Variants in ALCAM observed in about 807,000 individuals in gnomAD.
The protein encoded by ALCAM is CD166 antigen.
A neutral mutation model predicts 70.9 loss-of-function variants in ALCAM; 30 were observed. The ratio of observed to expected loss-of-function variants is 0.42; its 90% CI spans 0.32 to 0.57. ALCAM has a LOEUF of 0.57. ALCAM is among the 20% of genes least tolerant of loss of function. The pLI is 0.11. For synonymous variants in ALCAM, 249 were observed against 242.5 expected (o/e 1.03, Z -0.25); for missense variants, 591 against 695.1 (o/e 0.85, Z 1.68).
At chr3:105,397,632 G>A (rs951821445) in intron 1 of ALCAM, among the ~76,000 whole-genome samples, 13 of 151,618 alleles carry the variant, frequency 8.6e-5, no homozygotes, top group East Asian at 1.9e-4. Context: ...CAATAACAAC[G>A]AAACACAACA....
At chr3:105,508,190 TA>T in intron 1 of ALCAM, among the ~76,000 whole-genome samples, 1 of 152,344 alleles carries the variant, frequency 6.6e-6, no homozygotes, top group East Asian at 1.9e-4. Flanking sequence ...ATATGTTTTT[TA>T]AAATATTTGT....
At chr3:105,525,460 A>G in intron 3 of ALCAM, 1 of 623,810 alleles carries the variant, frequency 1.6e-6, no homozygotes. Flanking sequence ...CAAAAGTTTC[A>G]GAATGCCAGT....
At chr3:105,369,233 G>A (rs1238431514) in intron 1 of ALCAM, among the ~76,000 whole-genome samples, 1 of 152,192 alleles carries the variant, frequency 6.6e-6, no homozygotes, top group East Asian at 1.9e-4. Context: ...CCTTTTCGGT[G>A]CCGTCACAGG....
chr3:105,536,063 T>G (rs1259722580), intron 6 of ALCAM, among the ~76,000 whole-genome samples: 1 of 151,932 alleles, frequency 6.6e-6, no homozygotes, highest in Non-Finnish European at 1.5e-5. Context: ...AAAATCAAAC[T>G]TTTTTAGGTG....
intron 14 of ALCAM, among the ~76,000 whole-genome samples, chr3:105,570,208 T>C (rs577348858): frequency 1.3e-5 from 2 of 152,258 alleles, no homozygotes; most frequent in African/African-American, 4.8e-5. Context: ...ATTATTTGAA[T>C]ATTGTAGTTA....
intron 3 of ALCAM, among the ~76,000 whole-genome samples, chr3:105,526,519 A>G (rs1939710299): frequency 1.3e-5 from 2 of 152,110 alleles, no homozygotes; most frequent in African/African-American, 2.4e-5. Flanking sequence ...GTTGAAAACA[A>G]AGTGATTCTC....
At chr3:105,458,053 G>C (rs1414585547) in intron 1 of ALCAM, among the ~76,000 whole-genome samples, 1 of 147,226 alleles carries the variant, frequency 6.8e-6, no homozygotes, top group Admixed American at 7.0e-5. Context: ...TATTTTTATA[G>C]CTTTTCCTAC....
rs750994784 is a variant in ALCAM at position 105,367,491 on chromosome 3, G to A, written c.73+10G>A. The A allele has an allele frequency of 1.2e-6, 2 of 1,614,030 alleles. No homozygotes were observed. The highest frequency in any genetic ancestry group is 1.1e-5 in the South Asian group (1 of 91,084). On this transcript the variant is annotated intron_variant, in intron 1 of 15. Coordinates refer to ENST00000306107, the MANE Select transcript of ALCAM (RefSeq NM_001627.4). ...ACCGTCTTCAGGCCAGGTGAGCAAGGGCCTGGGAGCAGCCCCAGACAGACG... is the reference window on the plus strand; with the variant it reads ...ACCGTCTTCAGGCCAGGTGAGCAAGAGCCTGGGAGCAGCCCCAGACAGACG...
rs187086654 is a variant in ALCAM at position 105,417,398 on chromosome 3, G to A, written c.73+49917G>A. ...AGAGACAATTTCATTGTTTTCATCA[G>A]TTTGGTCCAAGTATATATAACATAG... On this transcript the variant is annotated intron_variant, in intron 1 of 15. Transcript: ENST00000306107. Among the ~76,000 whole-genome samples, 162 of 151,598 alleles carry A rather than the reference G, an allele frequency of 1.1e-3. 1 individual carries two copies. The highest frequency in any genetic ancestry group is 6.8e-3 in the Middle Eastern group (2 of 294).
intron 1 of ALCAM, among the ~76,000 whole-genome samples, chr3:105,446,836 G>C (rs1350824802): frequency 6.6e-6 from 1 of 152,106 alleles, no homozygotes; most frequent in Admixed American, 6.5e-5. Context: ...GAGCAGAATA[G>C]TGGCTCCCAG....
chr3:105,379,864 A>G (rs1935472389), intron 1 of ALCAM, among the ~76,000 whole-genome samples: 1 of 151,790 alleles, frequency 6.6e-6, no homozygotes, highest in Non-Finnish European at 1.5e-5. Flanking sequence ...ATGCTTCCAC[A>G]AATAATATGT....
intron 1 of ALCAM, among the ~76,000 whole-genome samples, chr3:105,443,785 T>C (rs1351423129): frequency 6.6e-6 from 1 of 152,178 alleles, no homozygotes; most frequent in African/African-American, 2.4e-5. Flanking sequence ...CTTTCATTCT[T>C]TGAACTGAAT....
chr3:105,429,473 A>T (rs1007257451), intron 1 of ALCAM, among the ~76,000 whole-genome samples: 10 of 151,988 alleles, frequency 6.6e-5, no homozygotes, highest in Admixed American at 6.6e-4. Flanking sequence ...TTAAAAAATG[A>T]TGTTCCACAT....
intron 1 of ALCAM, among the ~76,000 whole-genome samples, chr3:105,428,145 G>A (rs1304668016): frequency 6.6e-6 from 1 of 151,966 alleles, no homozygotes; most frequent in Non-Finnish European, 1.5e-5. Flanking sequence ...CATATCCTGT[G>A]TAAATACCCC....
At chr3:105,531,371 G>A (rs1939835865) in intron 3 of ALCAM, 1 of 152,090 alleles carries the variant, frequency 6.6e-6, no homozygotes, top group African/African-American at 2.4e-5. Flanking sequence ...TTGTGACTTG[G>A]CTTAAGAGGT....
chr3:105,435,783 TTTTGTTTG>T (rs986235489), intron 1 of ALCAM, among the ~76,000 whole-genome samples: 1 of 152,144 alleles, frequency 6.6e-6, no homozygotes, highest in South Asian at 2.1e-4. Flanking sequence ...AGAGGTTTTT[TTTTGTTTG>T]TTTGTTTGTT....
chr3:105,541,656 C>T lies in ALCAM; in HGVS notation c.882C>T (p.Ser294=), dbSNP rs761765275. The change falls in exon 8 of 16, where the codon AGC becomes AGT. Residue 294 remains serine, a synonymous_variant. Coordinates refer to ENST00000306107, the MANE Select transcript of ALCAM (RefSeq NM_001627.4). ...AGGGACAGCCCGAAGGAATAAGAAG[C>T]TCAAATACTTACACACTGACGGATG... The part of the protein sequence containing the change: ...YLPGQPEGIR[S]SNTYTLTDVR... The T allele has an allele frequency of 1.2e-6, 2 of 1,611,864 alleles. No individual in the cohort carries two copies. Among genetic ancestry groups the T allele is most frequent in the Non-Finnish European group, 8.5e-7 (1 of 1,178,660 alleles).
chr3:105,395,452 T>C (rs987242172), intron 1 of ALCAM, among the ~76,000 whole-genome samples: 1 of 152,040 alleles, frequency 6.6e-6, no homozygotes, highest in Non-Finnish European at 1.5e-5. Flanking sequence ...TAAATTGTTA[T>C]GTATGTATAC....
In ALCAM at chr3:105,541,688, G is replaced by A. The variant is rs1262196322; in HGVS notation, c.914G>A (p.Arg305His). 3 of 1,612,190 alleles carry A rather than the reference G, an allele frequency of 1.9e-6. No homozygotes were observed. The highest frequency in any genetic ancestry group is 1.1e-5 in the South Asian group (1 of 91,012). ...ACTTACACACTGACGGATGTGAGGCGCAATGCAACAGGAGACTACAAGTGT... is the reference window on the plus strand; with the variant it reads ...ACTTACACACTGACGGATGTGAGGCACAATGCAACAGGAGACTACAAGTGT... ...SNTYTLTDVR[R>H]NATGDYKCSL... Residue 305 changes from arginine to histidine, a missense_variant, in exon 8 of 16, where the codon CGC becomes CAC. Arg to His is a conservative substitution (Grantham distance 29). This residue lies in a region of ALCAM where 427 missense variants were observed against 450.4 expected (regional missense o/e 0.95). Coordinates refer to ENST00000306107, the MANE Select transcript of ALCAM (RefSeq NM_001627.4).
Sources: gnomAD v4.1 joint callset for allele counts (sites outside exome capture counted in the v4.1 genomes callset) on GRCh38, gnomAD v4.1.1 for gene constraint, gnomAD v4.1.1 regional missense constraint, MANE v1.5 for transcripts, NCBI Gene and HGNC (gene_info 2026-07-23, HGNC 2026-07-21) for gene names.